The following CCDC102B variants were observed in gnomAD, a reference collection of about 807,000 sequenced individuals.
CCDC102B encodes the protein coiled-coil domain containing 102B.
In CCDC102B, 75 loss-of-function variants were observed where a neutral mutation model predicts 57.4. That is an observed-to-expected ratio of 1.31 (90% CI 1.08 to 1.58). CCDC102B has a LOEUF of 1.58. Ranked by LOEUF, CCDC102B falls within the 40% of genes most tolerant of loss-of-function variation. The probability of loss-of-function intolerance (pLI) is 0.00; values close to 1 mark genes in which losing one functional copy is unlikely to be tolerated. For synonymous variants in CCDC102B, 206 were observed against 201.9 expected, an observed-to-expected ratio of 1.02 and a Z score of -0.17; for missense variants, 636 against 582.6, an observed-to-expected ratio of 1.09 and a Z score of -0.94.
intron 6 of CCDC102B, among the ~76,000 whole-genome samples, chr18:68,949,080 C>T (rs1178683924): frequency 6.6e-6 from 1 of 151,992 alleles, no homozygotes; most frequent in Non-Finnish European, 1.5e-5. Context: ...GCCGGTCTCG[C>T]CTTTCACATT....
chr18:68,819,709 C>A (rs780685791), intron 1 of CCDC102B, among the ~76,000 whole-genome samples: 1 of 151,960 alleles, frequency 6.6e-6, no homozygotes, highest in African/African-American at 2.4e-5. Context: ...CACAAACAGA[C>A]ATAATATATT....
intron 6 of CCDC102B, among the ~76,000 whole-genome samples, chr18:68,936,815 A>G (rs1372306845): frequency 6.6e-6 from 1 of 150,668 alleles, no homozygotes; most frequent in African/African-American, 2.4e-5. Flanking sequence ...ATATATACAC[A>G]CATATACACA....
chr18:68,765,320 GGAAGGAAAGAAAGAAAGAAAGAA>G (rs2034405646), intron 2 of CCDC102B, among the ~76,000 whole-genome samples: 5 of 40,618 alleles, frequency 1.2e-4, no homozygotes, highest in Admixed American at 3.4e-4. Context: ...AAGGAAGGAA[GGAAGGAAAGAAAGAAAGAAAGAA>G]AGAAAGAAAG....
chr18:68,816,623 G>A (rs547005834), intron 1 of CCDC102B, among the ~76,000 whole-genome samples: 4 of 152,076 alleles, frequency 2.6e-5, no homozygotes, highest in Admixed American at 2.6e-4. Flanking sequence ...CCGCCACCAT[G>A]CCTGGCTAAT....
intron 6 of CCDC102B, among the ~76,000 whole-genome samples, chr18:68,925,884 T>G (rs970753208): frequency 6.6e-6 from 1 of 151,972 alleles, no homozygotes; most frequent in African/African-American, 2.4e-5. Context: ...AGGAGTATAT[T>G]ATCAATATAT....
At position 68,925,666 on chromosome 18, in the gene CCDC102B, A is replaced by G. The variant is rs909516230; in HGVS notation, c.1263+28238A>G. On this transcript the variant is annotated intron_variant, in intron 6 of 7. Coordinates refer to ENST00000360242, the MANE Select transcript of CCDC102B (RefSeq NM_024781.3). ...ATAAGTTGTTTCATTTTGTACTTAT[A>G]GGTGGTTACTAATTCAGATGAGCAG... Among the ~76,000 whole-genome samples, 45 of 152,034 alleles carry G rather than the reference A, an allele frequency of 3.0e-4. 1 individual carries two copies. Among genetic ancestry groups the G allele is most frequent in the Admixed American group, 2.8e-3 (43 of 15,234 alleles).
chr18:68,821,071 G>A (rs1177433817), intron 1 of CCDC102B, among the ~76,000 whole-genome samples: 4 of 152,104 alleles, frequency 2.6e-5, no homozygotes, highest in Non-Finnish European at 5.9e-5. Context: ...GCTTCCCAGT[G>A]TGGTTCATTT....
chr18:68,937,515 CA>C (rs1368505369), intron 6 of CCDC102B, among the ~76,000 whole-genome samples: 1 of 151,974 alleles, frequency 6.6e-6, no homozygotes, highest in Admixed American at 6.6e-5. Flanking sequence ...GGTGACTTTG[CA>C]AAAATGCAAT....
intron 6 of CCDC102B, among the ~76,000 whole-genome samples, chr18:68,969,181 C>T (rs1383544517): frequency 6.6e-6 from 1 of 152,116 alleles, no homozygotes; most frequent in Non-Finnish European, 1.5e-5. Context: ...TGAACTGGGA[C>T]AACCCAGCCC....
chr18:68,721,388 T>G (rs2032319220), intron 2 of CCDC102B: 1 of 152,206 alleles, frequency 6.6e-6, no homozygotes, highest in Admixed American at 6.5e-5. Context: ...CCTTCCCCTT[T>G]ACTGCCTCTA....
At chr18:69,038,898 T>C (rs2052361333) in intron 7 of CCDC102B, among the ~76,000 whole-genome samples, 1 of 152,034 alleles carries the variant, frequency 6.6e-6, no homozygotes, top group Non-Finnish European at 1.5e-5. Flanking sequence ...TATCCATAAA[T>C]CTTAAACATT....
chr18:68,815,824 A>G (rs965465743), intron 1 of CCDC102B, among the ~76,000 whole-genome samples: 15 of 152,186 alleles, frequency 9.9e-5, no homozygotes, highest in African/African-American at 3.4e-4. Context: ...CTGTAACTGT[A>G]AGCTAAGAGT....
chr18:68,786,439 TTG>T (rs1252000366), intron 2 of CCDC102B, among the ~76,000 whole-genome samples: 2 of 138,170 alleles, frequency 1.4e-5, no homozygotes, highest in Non-Finnish European at 3.1e-5. Context: ...TTTCACGATA[TTG>T]ATTCTTCCTA....
intron 6 of CCDC102B, among the ~76,000 whole-genome samples, chr18:68,929,641 T>G (rs1436283457): frequency 6.6e-6 from 1 of 151,958 alleles, no homozygotes; most frequent in Admixed American, 6.6e-5. Flanking sequence ...TGACTTAATT[T>G]CATTCTAAAT....
chr18:68,793,028 G>A (rs1310730618), intron 2 of CCDC102B, among the ~76,000 whole-genome samples: 1 of 152,102 alleles, frequency 6.6e-6, no homozygotes, highest in African/African-American at 2.4e-5. Flanking sequence ...CTGTATCTGG[G>A]CACACACAGG....
At chr18:68,831,229 A>T (rs182622722) in intron 1 of CCDC102B, among the ~76,000 whole-genome samples, 2 of 152,220 alleles carry the variant, frequency 1.3e-5, no homozygotes, top group East Asian at 3.9e-4. Flanking sequence ...TTTTTCTCAA[A>T]TAATTTTACT....
At chr18:68,782,159 G>C (rs2035026340) in intron 2 of CCDC102B, among the ~76,000 whole-genome samples, 1 of 151,872 alleles carries the variant, frequency 6.6e-6, no homozygotes, top group Admixed American at 6.6e-5. Flanking sequence ...ATGTTTATAG[G>C]TCCAAATTTT....
chr18:68,810,853 C>G (rs1020553085), intron 1 of CCDC102B, among the ~76,000 whole-genome samples: 1 of 152,000 alleles, frequency 6.6e-6, no homozygotes, highest in Non-Finnish European at 1.5e-5. Context: ...TCCCCACCAC[C>G]CAACAGGCCC....
intron 2 of CCDC102B, among the ~76,000 whole-genome samples, chr18:68,775,092 A>G (rs1402004649): frequency 6.6e-6 from 1 of 151,208 alleles, no homozygotes; most frequent in East Asian, 1.9e-4. Flanking sequence ...ACATATAGAA[A>G]TATCCCTCAT....
Sources: allele counts gnomAD v4.1 joint callset (sites outside exome capture counted in the v4.1 genomes callset), GRCh38; gene constraint gnomAD v4.1.1; transcripts MANE v1.5; gene names NCBI Gene and HGNC (gene_info 2026-07-23, HGNC 2026-07-21).